Variants in PXDNL observed in about 807,000 individuals in gnomAD.
PXDNL encodes the protein probable oxidoreductase PXDNL.
In PXDNL, 145 loss-of-function variants were observed where a neutral mutation model predicts 150.8. That is an observed-to-expected ratio of 0.96 (90% CI 0.84 to 1.10). The LOEUF is 1.10. Ranked by LOEUF, PXDNL falls within the 50% of genes least tolerant of loss-of-function variation. The pLI, the probability that PXDNL is intolerant of heterozygous loss-of-function variation, is 0.00. For synonymous variants in PXDNL, 757 were observed against 725.7 expected (o/e 1.04, Z -0.69); for missense variants, 2,087 against 1,873.9 (o/e 1.11, Z -2.10).
At chr8:51,648,783 G>A (rs1230126264) in intron 2 of PXDNL, among the ~76,000 whole-genome samples, 1 of 152,144 alleles carries the variant, frequency 6.6e-6, no homozygotes, top group Non-Finnish European at 1.5e-5. Context: ...ATGAAAGTCA[G>A]AACTTGAGCT....
chr8:51,723,205 G>GA (rs5891428), intron 1 of PXDNL, among the ~76,000 whole-genome samples: 119,401 of 150,784 alleles, frequency 0.79, 47,419 homozygotes, highest in East Asian at 0.86. Context: ...ATAGTATTCA[G>GA]AAAAAAAAAA....
intron 6 of PXDNL, among the ~76,000 whole-genome samples, chr8:51,475,859 A>G (rs954358166): frequency 1.3e-5 from 2 of 151,952 alleles, no homozygotes; most frequent in Non-Finnish European, 2.9e-5. Context: ...GATCCCACTT[A>G]TAAGTGAGAA....
rs961268891 is a variant in PXDNL at position 51,807,366 on chromosome 8, G to A, written c.164+1815C>T. Among the ~76,000 whole-genome samples the A allele has an allele frequency of 5.3e-5, 8 of 150,464 alleles. 1 individual carries two copies. The highest frequency in any genetic ancestry group is 1.7e-4 in the African/African-American group (7 of 41,332). On this transcript the variant is annotated intron_variant, in intron 1 of 22. Coordinates refer to ENST00000356297, the MANE Select transcript of PXDNL (RefSeq NM_144651.5). Reference sequence around the variant, plus strand: ...CCTGATCTTGTGATACCTCACTCTCGCCATGACAACACCAAGGGAGGTGGT... The same window carrying A: ...CCTGATCTTGTGATACCTCACTCTCACCATGACAACACCAAGGGAGGTGGT...
rs1166899335 is a variant in PXDNL at position 51,408,276 on chromosome 8, G to T, written c.3348C>A (p.Tyr1116Ter). Residue 1116 changes from tyrosine (Y) to a stop codon, truncating the protein, a stop_gained, in exon 17 of 23, where the codon TAC (tyrosine) becomes TAA (stop). Coordinates refer to ENST00000356297, the MANE Select transcript of PXDNL (RefSeq NM_144651.5). LOFTEE classifies it high-confidence loss of function. ...TCTGGGTCAGCTCAGGACTGAGAAG[G>T]TAGGAGGGTGCCCGCCATTTAGCAG... ...GVAAKWRAPS[Y>*]LLSPELTQRL... The T allele has an allele frequency of 6.2e-7, 1 of 1,613,804 alleles. No individual in the cohort carries two copies. Among genetic ancestry groups the T allele is most frequent in the Non-Finnish European group, 8.5e-7 (1 of 1,179,868 alleles).
intron 2 of PXDNL, among the ~76,000 whole-genome samples, chr8:51,650,258 A>C (rs979893312): frequency 6.6e-6 from 1 of 152,210 alleles, no homozygotes; most frequent in Non-Finnish European, 1.5e-5. Context: ...AACAATGTAC[A>C]GGCATAGATT....
intron 14 of PXDNL, among the ~76,000 whole-genome samples, chr8:51,421,996 A>C (rs1211491699): frequency 6.6e-6 from 1 of 152,122 alleles, no homozygotes; most frequent in East Asian, 1.9e-4. Flanking sequence ...AGCGAGCATT[A>C]CTGCCTGAGC....
At chr8:51,800,593 C>A (rs1215943559) in intron 1 of PXDNL, among the ~76,000 whole-genome samples, 1 of 152,174 alleles carries the variant, frequency 6.6e-6, no homozygotes, top group Non-Finnish European at 1.5e-5. Context: ...ACGGAGGGAC[C>A]AGCTGGAGCC....
chr8:51,334,815 A>G (rs1805791727), intron 21 of PXDNL, among the ~76,000 whole-genome samples: 1 of 152,176 alleles, frequency 6.6e-6, no homozygotes, highest in Non-Finnish European at 1.5e-5. Context: ...ATCTAATATG[A>G]GCTTATTAGG....
chr8:51,747,106 G>C (rs764821966), intron 1 of PXDNL, among the ~76,000 whole-genome samples: 1 of 152,144 alleles, frequency 6.6e-6, no homozygotes, highest in African/African-American at 2.4e-5. Flanking sequence ...AAAATATTTT[G>C]TTGTAAACAA....
intron 17 of PXDNL, among the ~76,000 whole-genome samples, chr8:51,399,899 G>A (rs991308759): frequency 6.6e-6 from 1 of 152,138 alleles, no homozygotes; most frequent in Non-Finnish European, 1.5e-5. Context: ...GATTTTGTAT[G>A]GCATATAATG....
chr8:51,627,835 C>G (rs1814395667), intron 2 of PXDNL, among the ~76,000 whole-genome samples: 1 of 152,170 alleles, frequency 6.6e-6, no homozygotes, highest in Non-Finnish European at 1.5e-5. Context: ...AAAGCAGATT[C>G]ATTCTCAGAG....
In PXDNL at chr8:51,556,835, C is replaced by T; in HGVS notation, c.380+5G>A. 3.9e-6 allele frequency: 6 copies of T among 1,524,902 alleles called. No individual in the cohort carries two copies. Among genetic ancestry groups the T allele is most frequent in the Non-Finnish European group, 5.5e-6 (6 of 1,100,468 alleles). 94.5% of individuals were successfully genotyped at this position (1,524,902 alleles called of 1,614,324 possible). ...TGATTTAATAAAAAAGTTTCTATTA[C>T]TTACAGATGTTCCAAAGATATGAGT... On this transcript the variant is annotated splice_donor_5th_base_variant and intron_variant, in intron 4 of 22. Transcript: ENST00000356297.
At chr8:51,464,289 G>A (rs192589195) in intron 8 of PXDNL, among the ~76,000 whole-genome samples, 13 of 92,394 alleles carry the variant, frequency 1.4e-4, no homozygotes, top group Admixed American at 2.3e-4. Context: ...GTTTGAGCCC[G>A]GGAGGTCAAG....
intron 6 of PXDNL, among the ~76,000 whole-genome samples, chr8:51,479,093 T>C (rs1246213752): frequency 6.6e-6 from 1 of 152,220 alleles, no homozygotes; most frequent in Non-Finnish European, 1.5e-5. Flanking sequence ...TTTGCATGTG[T>C]GTTCCAGCAA....
chr8:51,549,878 AC>A (rs1812444415), intron 4 of PXDNL, among the ~76,000 whole-genome samples: 2 of 152,044 alleles, frequency 1.3e-5, no homozygotes, highest in Admixed American at 6.6e-5. Context: ...AATACAAAAG[AC>A]ACAAAAACAA....
chr8:51,471,102 T>A (rs1810320017), intron 8 of PXDNL, among the ~76,000 whole-genome samples: 1 of 126,790 alleles, frequency 7.9e-6, no homozygotes. Context: ...GACAAAGGGC[T>A]AATATCCAGA....
At chr8:51,322,107 G>A (rs558069561) in intron 21 of PXDNL, among the ~76,000 whole-genome samples, 14 of 152,278 alleles carry the variant, frequency 9.2e-5, no homozygotes, top group East Asian at 5.8e-4. Context: ...AAGCCAAGGC[G>A]TGAGGCCTTG....
intron 21 of PXDNL, among the ~76,000 whole-genome samples, chr8:51,328,432 G>A (rs1805584089): frequency 6.6e-6 from 1 of 152,144 alleles, no homozygotes; most frequent in Non-Finnish European, 1.5e-5. Context: ...ACTGGGGAAG[G>A]GCACCTGCTT....
At chr8:51,420,316 C>T (rs1378765691) in intron 14 of PXDNL, among the ~76,000 whole-genome samples, 1 of 152,168 alleles carries the variant, frequency 6.6e-6, no homozygotes, top group African/African-American at 2.4e-5. Flanking sequence ...ATAAAACATT[C>T]AGCAAATGTT....
Sources: gnomAD v4.1 joint callset for allele counts (sites outside exome capture counted in the v4.1 genomes callset) on GRCh38, gnomAD v4.1.1 for gene constraint, MANE v1.5 for transcripts, NCBI Gene and HGNC (gene_info 2026-07-23, HGNC 2026-07-21) for gene names.